The following CLUH variants were observed in gnomAD, a reference collection of about 807,000 sequenced individuals.
CLUH encodes CLUH binding protein of NUMT mRNA.
In CLUH, 77 loss-of-function variants were observed where a neutral mutation model predicts 139.3. The ratio of observed to expected loss-of-function variants is 0.55; its 90% CI spans 0.46 to 0.67. CLUH has a LOEUF of 0.67. Ranked by LOEUF, CLUH falls within the 30% of genes least tolerant of loss-of-function variation. The probability of loss-of-function intolerance (pLI) is 0.00; values close to 1 mark genes in which losing one functional copy is unlikely to be tolerated. For missense variants in CLUH, 1,876 were observed against 1,875.8 expected (o/e 1.00, Z 0.00); for synonymous variants, 999 against 801.6 (o/e 1.25, Z -4.16).
Position 2,690,656 on chromosome 17 carries a change from G to C in CLUH, c.3985C>G (p.Pro1329Ala). ...GGGGGCTGGGAGCCCAGGTCTCCTG[G>C]GGCCCCCGCTGGCGCGGGCTCGGTA... ...MATEPAPAGA[P>A]GDLGSQPPAA... Residue 1329 changes from proline (P) to alanine (A), a missense_variant, in exon 26 of 26, where the codon CCA (proline) becomes GCA (alanine). Physicochemically the swap from Pro to Ala is conservative, Grantham distance 27 (BLOSUM62 -1). Around this residue, in one of 3 missense-constraint regions of CLUH, gnomAD observed 1,454 missense variants for 1,384.4 expected, o/e 1.05. Transcript: ENST00000651024. 6.5e-7 allele frequency: 1 copy of C among 1,540,410 alleles called. No individual in the cohort carries two copies. The highest frequency in any genetic ancestry group is 2.5e-5 in the East Asian group (1 of 39,952).
rs577025833 is a variant in CLUH at position 2,693,779 on chromosome 17, G to C, written c.3231+121C>G. The C allele has an allele frequency of 4.7e-5, 61 of 1,300,408 alleles. No individual in the cohort carries two copies. In the South Asian group the frequency reaches 8.6e-4, roughly 18 times the overall value. The allele number at this position is 1,300,408 out of a possible 1,614,324, so 80.6% of individuals were successfully genotyped here. A position where few individuals can be genotyped will look rare whatever the true frequency, so the allele number is the denominator to read the frequency against. ...AGAGGGGTGGAGCCAGGGGTGGCCT[G>C]GGCAGAACCAGCGACTTCCTGGGGT... On this transcript the variant is annotated intron_variant, in intron 19 of 25. Transcript: ENST00000651024.
chr17:2,693,852 A>C (rs755778032), intron 19 of CLUH, 48 bp downstream of exon 19: 2 of 1,561,606 alleles, frequency 1.3e-6, no homozygotes, highest in South Asian at 2.3e-5. Flanking sequence ...CTCACTCCCC[A>C]TCCCCCAACA....
rs369124420 is a variant in CLUH, at chr17:2,695,415, C to A, written c.2503G>T (p.Val835Leu). The A allele has an allele frequency of 3.1e-6, 5 of 1,612,600 alleles. No individual in the cohort carries two copies. Among genetic ancestry groups the A allele is most frequent in the Non-Finnish European group, 4.2e-6 (5 of 1,179,764 alleles). ...TGGTGGCGGGCCGGGCTCCGCAGCA[C>A]CAGCTCCAGCACCTTGCCCAGGTAG... ...MRYLGKVLEL[V>L]LRSPARHQLD... Residue 835 changes from valine (V) to leucine (L), a missense_variant, in exon 14 of 26, where the codon GTG (valine) becomes TTG (leucine). Around this residue, in one of 3 missense-constraint regions of CLUH, gnomAD observed 1,454 missense variants for 1,384.4 expected, o/e 1.05. Transcript: ENST00000651024.
chr17:2,701,326 T>G, intron 6 of CLUH, 40 bp downstream of exon 6: 1 of 1,607,004 alleles, frequency 6.2e-7, no homozygotes, highest in East Asian at 2.2e-5. Context: ...CCAGGACGGC[T>G]GGCACGGCAG....
At chr17:2,694,822 T>TACCCCCCCCCCCCCCCCCCC in intron 16 of CLUH, 35 bp downstream of exon 16, 1 of 1,346,336 alleles carries the variant, frequency 7.4e-7, no homozygotes, top group Non-Finnish European at 1.0e-6. Flanking sequence ...ATCTGCCCAA[T>TACCCCCCCCCCCCCCCCCCC]CCCACCCACC....
Position 2,694,971 on chromosome 17 carries a change from TTCC to T in CLUH, c.2735_2737del (p.Arg912del). 2 of 1,613,402 alleles carry T rather than the reference TTCC, an allele frequency of 1.2e-6. No individual in the cohort carries two copies. The highest frequency in any genetic ancestry group is 1.7e-5 in the Admixed American group (1 of 59,936). ...ATCTGCAGCCCCCGGGGGCCGGTTT[TTCC>T]TCCTCTTATTCCGCTTCTTGGAGAC... On this transcript the variant is annotated inframe_deletion, in exon 16 of 26. Transcript: ENST00000651024.
At position 2,704,373 on chromosome 17, in the gene CLUH, A is replaced by C; in HGVS notation, c.292T>G (p.Phe98Val). The C allele has an allele frequency of 6.2e-7, 1 of 1,610,710 alleles. No individual in the cohort carries two copies. The highest frequency in any genetic ancestry group is 1.7e-4 in the Middle Eastern group (1 of 6,058). The change falls in exon 2 of 26, where the codon TTC (phenylalanine) becomes GTC (valine). Residue 98 changes from phenylalanine (F) to valine (V), a missense_variant. By Grantham distance (50) the Phe-to-Val change is conservative (BLOSUM62 -1). Coordinates refer to ENST00000651024, the MANE Select transcript of CLUH (RefSeq NM_001366661.1). The surrounding 1 kb of genome is among the most constrained non-coding windows in gnomAD (Gnocchi z 5.7). ...VKILAPGIEP[F>V]SLQVSPQEMV... Reference sequence around the variant, plus strand: ...TTCCTCCATCTTACCTGCAGGGAGAAGGGCTCGATCCCAGGGGCGAGGATC... The same window carrying C: ...TTCCTCCATCTTACCTGCAGGGAGACGGGCTCGATCCCAGGGGCGAGGATC...
intron 9 of CLUH, among the ~76,000 whole-genome samples, chr17:2,699,174 T>C (rs1297561494): frequency 6.8e-6 from 1 of 146,364 alleles, no homozygotes; most frequent in Non-Finnish European, 1.5e-5. Context: ...CCAGGTGAAC[T>C]TGAACAGATA....
chr17:2,691,858 T>C lies in CLUH; in HGVS notation c.3692A>G (p.Glu1231Gly). 1 of 1,548,198 alleles carries C rather than the reference T, an allele frequency of 6.5e-7. No individual in the cohort carries two copies. The highest frequency in any genetic ancestry group is 8.7e-7 in the Non-Finnish European group (1 of 1,147,858). The change falls in exon 24 of 26, where the codon GAG becomes GGG. Residue 1231 changes from glutamate to glycine, a missense_variant. Around this residue, in one of 3 missense-constraint regions of CLUH, gnomAD observed 1,454 missense variants for 1,384.4 expected, o/e 1.05. Transcript: ENST00000651024. The stretch of plus-strand genomic sequence containing the variant: ...CTGCTGGGTCAGGCACTTGAGGTAC[T>C]CGGAGCTTTCCTTGGTCTTCTCATG... ...EDHEKTKESS[E>G]YLKCLTQQAV...
At chr17:2,695,128 T>A in intron 15 of CLUH, 27 bp from the exon 16 acceptor site, 2 of 1,612,688 alleles carry the variant, frequency 1.2e-6, no homozygotes, top group Non-Finnish European at 1.7e-6. Flanking sequence ...ATCCGAGTCA[T>A]GAGGGCCCTC....
In CLUH at chr17:2,691,893, C is replaced by G; in HGVS notation, c.3657G>C (p.Leu1219=). 1 of 1,535,186 alleles carries G rather than the reference C, an allele frequency of 6.5e-7. No homozygotes were observed. Among genetic ancestry groups the G allele is most frequent in the Non-Finnish European group, 8.7e-7 (1 of 1,143,150 alleles). Residue 1219 remains leucine (L), a splice_region_variant and synonymous_variant, in exon 24 of 26, where the codon CTG becomes CTC. Transcript: ENST00000651024. ...KEGYTIYKTQ[L]GEDHEKTKES... ...CCTTGGTCTTCTCATGGTCCTCGCC[C>G]AGCTGCGGGGAGGCGGGAAGGGATC...
Position 2,698,321 on chromosome 17 carries a change from C to T in CLUH, c.1536G>A (p.Val512=), listed in dbSNP as rs200314702. The change falls in exon 10 of 26, where the codon GTG becomes GTA. Residue 512 remains valine, a synonymous_variant. Coordinates refer to ENST00000651024, the MANE Select transcript of CLUH (RefSeq NM_001366661.1). ...TGACCCGGTAGCCGCGGTAATCCACCACCACCGTGCCCAGCGTGTACAGCC... is the reference window on the plus strand; with the variant it reads ...TGACCCGGTAGCCGCGGTAATCCACTACCACCGTGCCCAGCGTGTACAGCC... ...VEGLYTLGTV[V]VDYRGYRVTA... 1 of 1,612,988 alleles carries T rather than the reference C, an allele frequency of 6.2e-7. No individual in the cohort carries two copies. Among genetic ancestry groups the T allele is most frequent in the Non-Finnish European group, 8.5e-7 (1 of 1,179,724 alleles).
chr17:2,708,717 C>A (rs1480210414), intron 1 of CLUH, among the ~76,000 whole-genome samples: 1 of 152,104 alleles, frequency 6.6e-6, no homozygotes, highest in Non-Finnish European at 1.5e-5. Flanking sequence ...TCCCACCGAC[C>A]TGCTCCCGCC....
chr17:2,702,068 G>A lies in CLUH; in HGVS notation c.476-11C>T. 2 of 1,612,484 alleles carry A rather than the reference G, an allele frequency of 1.2e-6. No individual in the cohort carries two copies. Among genetic ancestry groups the A allele is most frequent in the Non-Finnish European group, 1.7e-6 (2 of 1,179,346 alleles). Reference sequence around the variant, plus strand: ...GCACCGTGTACGGCTCTGTCAGGAAGGCAGGGAGGGTATGGCGTTACCAGG... The same window carrying A: ...GCACCGTGTACGGCTCTGTCAGGAAAGCAGGGAGGGTATGGCGTTACCAGG... On this transcript the variant is annotated splice_polypyrimidine_tract_variant and intron_variant, in intron 3 of 25. Coordinates refer to ENST00000651024, the MANE Select transcript of CLUH (RefSeq NM_001366661.1).
chr17:2,711,980 G>A (rs761477067), upstream of CLUH: 1 of 152,370 alleles, frequency 6.6e-6, no homozygotes, highest in Non-Finnish European at 1.5e-5. Flanking sequence ...GGGGCCTCGG[G>A]GAGACTCCCT....
At chr17:2,697,440 G>A (rs1441135111) in intron 10 of CLUH, among the ~76,000 whole-genome samples, 1 of 151,428 alleles carries the variant, frequency 6.6e-6, no homozygotes, top group Non-Finnish European at 1.5e-5. Flanking sequence ...TGGAGGGTAT[G>A]GGAAAAGAGG....
In CLUH at chr17:2,696,854, C is replaced by T. The variant is rs372787968; in HGVS notation, c.2050G>A (p.Gly684Ser). The change falls in exon 11 of 26, where the codon GGT becomes AGT. Residue 684 changes from glycine to serine, a missense_variant. Transcript: ENST00000651024. ...LETPSSLENG[G>S]PSSLESKSED... is the part of the protein sequence containing the mutation. ...GACTTGGACTCCAAGGAGGAAGGAC[C>T]ACCATTTTCCAGGGAGGAGGGGGTC... 2.8e-5 allele frequency: 45 copies of T among 1,613,516 alleles called. No individual in the cohort carries two copies. The highest frequency in any genetic ancestry group is 3.8e-5 in the Non-Finnish European group (45 of 1,179,874).
chr17:2,707,688 A>T lies in CLUH; in HGVS notation c.101-3124T>A. The T allele has an allele frequency of 1.0e-6, 1 of 985,230 alleles. No individual in the cohort carries two copies. The highest frequency in any genetic ancestry group is 1.2e-6 in the Non-Finnish European group (1 of 829,870). 61.0% of individuals were successfully genotyped at this position (985,230 alleles called of 1,614,324 possible). A position where few individuals can be genotyped will look rare whatever the true frequency, so the allele number is the denominator to read the frequency against. ...TCCCATCCCAGTGGGGGTGAACAGG[A>T]CCGCTTCTGCCAGCTGCCGCCAACA... is the stretch of plus-strand genomic sequence containing the variant. On this transcript the variant is annotated intron_variant, in intron 1 of 25. Transcript: ENST00000651024. This position sits in a 1 kb window ranked among gnomAD's most constrained non-coding sequence, Gnocchi z 7.4.
At chr17:2,698,908 G>A (rs777883214) in intron 9 of CLUH, among the ~76,000 whole-genome samples, 12 of 152,112 alleles carry the variant, frequency 7.9e-5, no homozygotes, top group East Asian at 1.9e-4. Flanking sequence ...TCAGCCAGGC[G>A]AGGTGGCGCG....
Sources: gnomAD v4.1 joint callset for allele counts (sites outside exome capture counted in the v4.1 genomes callset) on GRCh38, gnomAD v4.1.1 for gene constraint, gnomAD v4.1.1 regional missense constraint, Gnocchi (gnomAD v3.1) non-coding constraint, MANE v1.5 for transcripts, NCBI Gene and HGNC (gene_info 2026-07-23, HGNC 2026-07-21) for gene names.